The following SLFN13 variants were observed in gnomAD, a reference collection of about 807,000 sequenced individuals.
The protein encoded by SLFN13 is schlafen-13.
Under a neutral mutation model 50.6 loss-of-function variants are expected in SLFN13, and 43 were observed. The ratio of observed to expected loss-of-function variants is 0.85; its 90% CI spans 0.67 to 1.09. The LOEUF is 1.09. Among genes scored for constraint, SLFN13 ranks in the 50% least tolerant of loss-of-function variants. The pLI is 0.00. For missense variants in SLFN13, 881 were observed against 1,071.1 expected (o/e 0.82, Z 2.48); for synonymous variants, 339 against 386.5 (o/e 0.88, Z 1.44).
chr17:35,445,145 A>G lies in SLFN13; in HGVS notation c.536T>C (p.Val179Ala). ...ATTTGACTCAGATATGTTCTGGTAT[A>G]CAGCTTTCATAATTTTACTAGGTGG... Reference protein sequence around the residue: ...GSPPSKIMKAVYQNISESNPA... With the variant: ...GSPPSKIMKAAYQNISESNPA... The change falls in exon 3 of 6, where the codon GTA becomes GCA. Residue 179 changes from valine (V) to alanine (A), a missense_variant. Around this residue, in one of 5 missense-constraint regions of SLFN13, gnomAD observed 497 missense variants for 518.3 expected, o/e 0.96. Transcript: ENST00000285013. The G allele has an allele frequency of 6.2e-7, 1 of 1,613,196 alleles. No individual in the cohort carries two copies. Among genetic ancestry groups the G allele is most frequent in the Non-Finnish European group, 8.5e-7 (1 of 1,180,016 alleles).
Position 35,448,704 on chromosome 17 carries a change from G to A in SLFN13, c.-161+18C>T, listed in dbSNP as rs1310607973. On this transcript the variant is annotated intron_variant, in intron 1 of 5. Transcript: ENST00000285013. ...CGGGAGCTCCGCAGTCCCCGTAGGA[G>A]CAGGGACCCTCTCTTACCTCTCAAG... 6.6e-6 allele frequency: 1 copy of A among 152,390 alleles called. No homozygotes were observed. Among genetic ancestry groups the A allele is most frequent in the East Asian group, 1.9e-4 (1 of 5,186 alleles). The allele number at this position is 152,390 out of a possible 1,614,324, so 9.4% of individuals were successfully genotyped here.
In SLFN13 at chr17:35,436,815, T is replaced by A. The variant is rs192891279; in HGVS notation, c.*3780A>T. ...TAACATCTCCAGATTAAATGAGACT[T>A]AAAAGAAAGGAAAGCTCAATACAAT... On this transcript the variant is annotated 3_prime_UTR_variant, in exon 6 of 6. Transcript: ENST00000285013. 3.3e-5 allele frequency: 5 copies of A among 152,236 alleles called. No homozygotes were observed. The East Asian group carries it at 9.6e-4, about 29-fold the overall frequency. The allele number at this position is 152,236 out of a possible 1,614,324, so 9.4% of individuals were successfully genotyped here. A position where few individuals can be genotyped will look rare whatever the true frequency, so the allele number is the denominator to read the frequency against.
At position 35,436,427 on chromosome 17, in the gene SLFN13, T is replaced by G. The variant is rs1912646887; in HGVS notation, c.*4168A>C. The G allele has an allele frequency of 6.6e-6, 1 of 152,092 alleles. No homozygotes were observed. The highest frequency in any genetic ancestry group is 1.5e-5 in the Non-Finnish European group (1 of 68,030). The allele number at this position is 152,092 out of a possible 1,614,324, so 9.4% of individuals were successfully genotyped here. ...CTGAACTCTTTGAATAATTACTTTTTAATTAGAAAAAAATCTCAAATATTA... is the reference window on the plus strand; with the variant it reads ...CTGAACTCTTTGAATAATTACTTTTGAATTAGAAAAAAATCTCAAATATTA... On this transcript the variant is annotated 3_prime_UTR_variant, in exon 6 of 6. Transcript: ENST00000285013.
Position 35,438,387 on chromosome 17 carries a change from T to C in SLFN13, c.*2208A>G. The C allele has an allele frequency of 6.6e-6, 1 of 152,040 alleles. No individual in the cohort carries two copies. Among genetic ancestry groups the C allele is most frequent in the Middle Eastern group, 3.4e-3 (1 of 294 alleles). 9.4% of individuals were successfully genotyped at this position (152,040 alleles called of 1,614,324 possible). A position where few individuals can be genotyped will look rare whatever the true frequency, so the allele number is the denominator to read the frequency against. On this transcript the variant is annotated 3_prime_UTR_variant, in exon 6 of 6. Transcript: ENST00000285013. ...TGGGCTGAACAAAAATTCATAAATATTTATATATTTTAAAATATGATACTG... is the reference window on the plus strand; with the variant it reads ...TGGGCTGAACAAAAATTCATAAATACTTATATATTTTAAAATATGATACTG...
intron 2 of SLFN13, 89 bp downstream of exon 2, chr17:35,447,179 T>C (rs1747694855): frequency 6.6e-6 from 1 of 152,240 alleles, no homozygotes; most frequent in South Asian, 2.1e-4. Context: ...GTAGAGATAT[T>C]GTTTCCTAAA....
rs1912742087 is a variant in SLFN13 at position 35,439,446 on chromosome 17, T to TG, written c.*1148_*1149insC. 6.6e-6 allele frequency: 1 copy of TG among 151,704 alleles called. No individual in the cohort carries two copies. The allele number at this position is 151,704 out of a possible 1,614,324, so 9.4% of individuals were successfully genotyped here. A position where few individuals can be genotyped will look rare whatever the true frequency, so the allele number is the denominator to read the frequency against. On this transcript the variant is annotated 3_prime_UTR_variant, in exon 6 of 6. Transcript: ENST00000285013. ...TAATGCATACAGCTACGCTGAGATG[T>TG]TACAATGTAACAACATAAACTCACT...
chr17:35,436,286 C>T lies in SLFN13; in HGVS notation c.*4309G>A, dbSNP rs932951744. 3.3e-5 allele frequency: 5 copies of T among 152,092 alleles called. No homozygotes were observed. Among genetic ancestry groups the T allele is most frequent in the Non-Finnish European group, 5.9e-5 (4 of 68,030 alleles). The allele number at this position is 152,092 out of a possible 1,614,324, so 9.4% of individuals were successfully genotyped here. On this transcript the variant is annotated 3_prime_UTR_variant, in exon 6 of 6. Transcript: ENST00000285013. ...GTTACAGAATTTCTGCTTTGATCCA[C>T]GAGTTAAACACTTTTTTAATTCCAA...
At chr17:35,447,682 G>A (rs575186118) in intron 1 of SLFN13, among the ~76,000 whole-genome samples, 36 of 152,128 alleles carry the variant, frequency 2.4e-4, no homozygotes, top group Non-Finnish European at 1.5e-4. Flanking sequence ...AGAAACAGAA[G>A]GAAACAGCTG....
chr17:35,444,540 T>C, intron 3 of SLFN13, 75 bp downstream of exon 3: 2 of 1,335,484 alleles, frequency 1.5e-6, no homozygotes, highest in South Asian at 2.8e-5. Flanking sequence ...AAGGTCAAGC[T>C]TAGAGAATAA....
At chr17:35,442,347 CAT>C (rs1183971493) in intron 4 of SLFN13, 61 bp from the exon 5 acceptor site, 11 of 1,482,240 alleles carry the variant, frequency 7.4e-6, no homozygotes, top group African/African-American at 7.0e-5. Context: ...GTATGAATCA[CAT>C]GTTACATTTA....
rs767187790 is a variant in SLFN13 at position 35,441,022 on chromosome 17, A to T, written c.2267T>A (p.Ile756Asn). ...QLIIENPPIN[I>N]PHGYLAILSE... ...GAGAATTGCCAGATACCCATGGGGG[A>T]TATTAATTGGAGGATTTTCTATAAT... The change falls in exon 6 of 6, where the codon ATC becomes AAC. Residue 756 changes from isoleucine to asparagine, a missense_variant. Physicochemically the swap from Ile to Asn is moderately radical, Grantham distance 149. Transcript: ENST00000285013. The T allele has an allele frequency of 6.8e-6, 11 of 1,612,800 alleles. No homozygotes were observed. The South Asian group carries it at 9.9e-5, about 14-fold the overall frequency.
At position 35,436,447 on chromosome 17, in the gene SLFN13, ATAT is replaced by A. The variant is rs1912647382; in HGVS notation, c.*4145_*4147del. 6.6e-6 allele frequency: 1 copy of A among 151,674 alleles called. No homozygotes were observed. The highest frequency in any genetic ancestry group is 1.5e-5 in the Non-Finnish European group (1 of 67,962). The allele number at this position is 151,674 out of a possible 1,614,324, so 9.4% of individuals were successfully genotyped here. On this transcript the variant is annotated 3_prime_UTR_variant, in exon 6 of 6. Coordinates refer to ENST00000285013, the MANE Select transcript of SLFN13 (RefSeq NM_144682.6). The stretch of plus-strand genomic sequence containing the variant: ...CTTTTTAATTAGAAAAAAATCTCAA[ATAT>A]TATGCGTTCAGAAGCAAAAACACCC...
In SLFN13 at chr17:35,437,973, G is replaced by A. The variant is rs1447815372; in HGVS notation, c.*2622C>T. ...AAAACCCAATTAAGCCTGACACAGT[G>A]GCTCATGCCTATAATCCCAGCAATG... On this transcript the variant is annotated 3_prime_UTR_variant, in exon 6 of 6. Transcript: ENST00000285013. 6.6e-6 allele frequency: 1 copy of A among 152,050 alleles called. No homozygotes were observed. Among genetic ancestry groups the A allele is most frequent in the African/African-American group, 2.4e-5 (1 of 41,414 alleles). The allele number at this position is 152,050 out of a possible 1,614,324, so 9.4% of individuals were successfully genotyped here. A position where few individuals can be genotyped will look rare whatever the true frequency, so the allele number is the denominator to read the frequency against.
chr17:35,447,212 A>T (rs573024190), intron 2 of SLFN13, 56 bp downstream of exon 2: 1 of 152,320 alleles, frequency 6.6e-6, no homozygotes, highest in South Asian at 2.1e-4. Flanking sequence ...CCTAAATAAA[A>T]CTGAACTATT....
At chr17:35,448,618 C>G (rs1004686848) in intron 1 of SLFN13, 104 bp downstream of exon 1, 2 of 152,370 alleles carry the variant, frequency 1.3e-5, no homozygotes, top group African/African-American at 4.8e-5. Context: ...AGCTTGCTCC[C>G]CATCCGAGTC....
chr17:35,444,885 G>T lies in SLFN13; in HGVS notation c.796C>A (p.Pro266Thr), dbSNP rs1019768087. The T allele has an allele frequency of 1.2e-6, 2 of 1,614,106 alleles. No individual in the cohort carries two copies. Among genetic ancestry groups the T allele is most frequent in the East Asian group, 2.2e-5 (1 of 44,882 alleles). Residue 266 changes from proline (P) to threonine (T), a missense_variant, in exon 3 of 6, where the codon CCT becomes ACT. Pro to Thr is a conservative substitution (Grantham distance 38). Transcript: ENST00000285013. ...VLGCAKEQVD[P>T]DSLKNVIARA... ...GCAATTACATTTTTCAAAGAGTCAG[G>T]GTCAACCTGTTCTTTGGCACATCCC...
Position 35,445,647 on chromosome 17 carries a change from G to T in SLFN13, c.34C>A (p.Pro12Thr). 1 of 1,613,520 alleles carries T rather than the reference G, an allele frequency of 6.2e-7. No homozygotes were observed. Among genetic ancestry groups the T allele is most frequent in the South Asian group, 1.1e-5 (1 of 91,032 alleles). Residue 12 changes from proline to threonine, a missense_variant, in exon 3 of 6, where the codon CCA (proline) becomes ACA (threonine). Physicochemically the swap from Pro to Thr is conservative, Grantham distance 38 (BLOSUM62 -1). Coordinates refer to ENST00000285013, the MANE Select transcript of SLFN13 (RefSeq NM_144682.6). ...TCGATGACCAGGTCTGGGTAAGATG[G>T]ATACACACCCAGGGAGCAGTGATTT... The part of the protein sequence containing the change: ...EANHCSLGVY[P>T]SYPDLVIDVG...
In SLFN13 at chr17:35,444,627, C is replaced by T. The variant is rs753383138; in HGVS notation, c.1054G>A (p.Asp352Asn). The T allele has an allele frequency of 9.9e-6, 16 of 1,613,616 alleles. No homozygotes were observed. The highest frequency in any genetic ancestry group is 1.6e-4 in the Middle Eastern group (1 of 6,084). ...TTEEWVEKMM[D>N]ADPEFPPDFA... ...GGTTCCCTCTTACCTGGATCTGCGT[C>T]CATCATTTTCTCTACCCATTCCTCA... Residue 352 changes from aspartate to asparagine, a missense_variant, in exon 3 of 6, where the codon GAC becomes AAC. This residue lies in a region of SLFN13 where 497 missense variants were observed against 518.3 expected (regional missense o/e 0.96). Coordinates refer to ENST00000285013, the MANE Select transcript of SLFN13 (RefSeq NM_144682.6).
intron 3 of SLFN13, 78 bp downstream of exon 3, chr17:35,444,537 A>C: frequency 1.5e-6 from 2 of 1,311,786 alleles, no homozygotes; most frequent in Non-Finnish European, 2.1e-6. Flanking sequence ...GAGAAGGTCA[A>C]GCTTAGAGAA....
Sources: gnomAD v4.1 joint callset for allele counts (sites outside exome capture counted in the v4.1 genomes callset) on GRCh38, gnomAD v4.1.1 for gene constraint, gnomAD v4.1.1 regional missense constraint, MANE v1.5 for transcripts, NCBI Gene and HGNC (gene_info 2026-07-23, HGNC 2026-07-21) for gene names.